Variants in SEC14L5 observed in about 807,000 individuals in gnomAD.
The protein encoded by SEC14L5 is SEC14-like protein 5.
A neutral mutation model predicts 84.6 loss-of-function variants in SEC14L5; 96 were observed. The observed-to-expected ratio is 1.13, with a 90% CI of 0.96 to 1.34. The LOEUF (loss-of-function observed/expected upper bound fraction) is 1.34, where lower values mean the gene tolerates loss of function less well. Ranked by LOEUF, SEC14L5 falls within the 40% of genes most tolerant of loss-of-function variation. The pLI, the probability that SEC14L5 is intolerant of heterozygous loss-of-function variation, is 0.00. For synonymous variants in SEC14L5, 546 were observed against 383.4 expected (o/e 1.42, Z -4.95); for missense variants, 1,224 against 942.5 (o/e 1.30, Z -3.91).
chr16:5,015,448 A>C lies in SEC14L5; in HGVS notation c.*478A>C, dbSNP rs1022234801. The C allele has an allele frequency of 6.2e-6, 1 of 160,536 alleles. No individual in the cohort carries two copies. Among genetic ancestry groups the C allele is most frequent in the African/African-American group, 2.4e-5 (1 of 41,698 alleles). The allele number at this position is 160,536 out of a possible 1,614,324, so 9.9% of individuals were successfully genotyped here. On this transcript the variant is annotated 3_prime_UTR_variant, in exon 16 of 16. Transcript: ENST00000251170. ...TAGCCTGGAAGGGGGAGCGATTGCC[A>C]GGTCAATTCCTGAACCAATCACAGT...
At chr16:4,999,596 G>A (rs548773181) in intron 8 of SEC14L5, among the ~76,000 whole-genome samples, 1 of 151,980 alleles carries the variant, frequency 6.6e-6, no homozygotes. Flanking sequence ...CTCCAGCCTG[G>A]GTGACAGAGT....
intron 11 of SEC14L5, among the ~76,000 whole-genome samples, chr16:5,005,617 T>A (rs956485473): frequency 6.6e-6 from 1 of 151,854 alleles, no homozygotes; most frequent in African/African-American, 2.4e-5. Flanking sequence ...ATCCCAGCAC[T>A]TTGGGAGGCC....
intron 15 of SEC14L5, among the ~76,000 whole-genome samples, chr16:5,013,531 C>T (rs1032914290): frequency 4.9e-5 from 7 of 141,756 alleles, no homozygotes; most frequent in African/African-American, 1.6e-4. Context: ...GGACTATAGG[C>T]ATGGGCTAGC....
At chr16:4,994,932 G>A (rs1481121144) in intron 6 of SEC14L5, among the ~76,000 whole-genome samples, 5 of 152,144 alleles carry the variant, frequency 3.3e-5, no homozygotes. Flanking sequence ...GGGGCCGGAA[G>A]GATGCTGGGA....
intron 2 of SEC14L5, among the ~76,000 whole-genome samples, chr16:4,970,157 C>T (rs1955257896): frequency 1.3e-5 from 2 of 152,022 alleles, no homozygotes. Flanking sequence ...GAGCCCTCAG[C>T]ATAGTCTATT....
rs1567132516 is a variant in SEC14L5 at position 5,014,961 on chromosome 16, C to T, written c.2082C>T (p.Val694=). Residue 694 remains valine, a synonymous_variant, in exon 16 of 16, where the codon GTC becomes GTT. Coordinates refer to ENST00000251170, the MANE Select transcript of SEC14L5 (RefSeq NM_014692.2). ...GCCAGTCTCATAGCAGCTCCCTGGT[C>T]TCCAGATAGCCGGGCCCAGTGTTTC... ...SSGQSHSSSL[V]SR 6.2e-7 allele frequency: 1 copy of T among 1,609,828 alleles called. No homozygotes were observed. Among genetic ancestry groups the T allele is most frequent in the Admixed American group, 1.7e-5 (1 of 60,002 alleles).
Position 4,988,198 on chromosome 16 carries a change from G to C in SEC14L5, c.263G>C (p.Trp88Ser). 6.2e-7 allele frequency: 1 copy of C among 1,613,678 alleles called. No homozygotes were observed. Among genetic ancestry groups the C allele is most frequent in the African/African-American group, 1.3e-5 (1 of 75,006 alleles). Residue 88 changes from tryptophan to serine, a missense_variant, in exon 4 of 16, where the codon TGG becomes TCG. Trp to Ser is a radical substitution (Grantham distance 177). Transcript: ENST00000251170. ...TTCGTGCAGACAAACATCTTGAACT[G>C]GAAGGAGAGGACGCTCCTCATCGAA... is the stretch of plus-strand genomic sequence containing the variant. ...VVFVQTNILN[W>S]KERTLLIEAH...
At chr16:4,998,095 C>T (rs1364535397) in intron 8 of SEC14L5, among the ~76,000 whole-genome samples, 4 of 151,426 alleles carry the variant, frequency 2.6e-5, no homozygotes, top group Non-Finnish European at 5.9e-5. Flanking sequence ...CTCCGCCCCC[C>T]GCCAGGTTCA....
At chr16:5,005,861 C>G (rs1284325181) in intron 11 of SEC14L5, 53 bp from the exon 12 acceptor site, 2 of 793,600 alleles carry the variant, frequency 2.5e-6, no homozygotes, top group African/African-American at 1.0e-4. Context: ...AAGACTCCGT[C>G]TCAAAAAAAA....
At chr16:5,008,171 C>T (rs2082147100) in intron 13 of SEC14L5, among the ~76,000 whole-genome samples, 2 of 152,160 alleles carry the variant, frequency 1.3e-5, no homozygotes, top group South Asian at 2.1e-4. Flanking sequence ...CCACCTCGGC[C>T]TCCCAAAGTG....
Position 5,018,932 on chromosome 16 carries a change from A to G in SEC14L5, c.*3962A>G, listed in dbSNP as rs1475208948. The G allele has an allele frequency of 6.6e-6, 1 of 152,150 alleles. No homozygotes were observed. The highest frequency in any genetic ancestry group is 2.4e-5 in the African/African-American group (1 of 41,420). The allele number at this position is 152,150 out of a possible 1,614,324, so 9.4% of individuals were successfully genotyped here. A position where few individuals can be genotyped will look rare whatever the true frequency, so the allele number is the denominator to read the frequency against. ...GATGGGTTTTTTTGTTTGCCTGATCACTTGCTCCAACCAGCAGCATTAAAT... is the reference window on the plus strand; with the variant it reads ...GATGGGTTTTTTTGTTTGCCTGATCGCTTGCTCCAACCAGCAGCATTAAAT... On this transcript the variant is annotated 3_prime_UTR_variant, in exon 16 of 16. Transcript: ENST00000251170.
At position 5,008,486 on chromosome 16, in the gene SEC14L5, C is replaced by G. The variant is rs372093889; in HGVS notation, c.1638C>G (p.Asp546Glu). ...ITWDFDILRG[D>E]VVFSLYHTKQ... ...GGGACTTTGACATCCTGCGAGGGGACGTGGTGTTCAGCCTGTACCACACCA... is the reference window on the plus strand; with the variant it reads ...GGGACTTTGACATCCTGCGAGGGGAGGTGGTGTTCAGCCTGTACCACACCA... Residue 546 changes from aspartate to glutamate, a missense_variant, in exon 14 of 16, where the codon GAC becomes GAG. Transcript: ENST00000251170. The G allele has an allele frequency of 6.2e-7, 1 of 1,613,558 alleles. No homozygotes were observed. The highest frequency in any genetic ancestry group is 1.3e-5 in the African/African-American group (1 of 75,032).
At chr16:5,009,740 G>A (rs115182233) in intron 14 of SEC14L5, among the ~76,000 whole-genome samples, 3,167 of 152,204 alleles carry the variant, frequency 0.021, 112 homozygotes, top group African/African-American at 0.071. Context: ...AACTCAAGCA[G>A]GGGGAAGGAT....
intron 2 of SEC14L5, among the ~76,000 whole-genome samples, chr16:4,983,745 C>T (rs1191976229): frequency 1.3e-5 from 2 of 151,716 alleles, no homozygotes; most frequent in Admixed American, 6.6e-5. Context: ...GGTGTAGTGG[C>T]GTGTGCCTGT....
At chr16:4,979,727 C>T (rs111292497) in intron 2 of SEC14L5, among the ~76,000 whole-genome samples, 17,204 of 38,056 alleles carry the variant, frequency 0.45, 1,168 homozygotes, top group Non-Finnish European at 0.54. Context: ...GCTTTTCTTG[C>T]TCCTGTCATT....
At chr16:4,964,465 A>G (rs753560309) in intron 2 of SEC14L5, among the ~76,000 whole-genome samples, 4 of 152,012 alleles carry the variant, frequency 2.6e-5, no homozygotes, top group Non-Finnish European at 5.9e-5. Flanking sequence ...GCATGCTTGT[A>G]ATCCCAGCTA....
rs111249494 is a variant in SEC14L5 at position 5,000,719 on chromosome 16, G to C, written c.1035G>C (p.Val345=). ...QMDTKGLMKA[V]GEEALLRHVL... ...ACACCAAAGGCTTGATGAAGGCCGTGGGGGAGGAGGCGCTGCTGCGGCATG... is the reference window on the plus strand; with the variant it reads ...ACACCAAAGGCTTGATGAAGGCCGTCGGGGAGGAGGCGCTGCTGCGGCATG... Residue 345 remains valine, a synonymous_variant, in exon 9 of 16, where the codon GTG becomes GTC. Transcript: ENST00000251170. 3.9e-5 allele frequency: 61 copies of C among 1,552,432 alleles called. No homozygotes were observed. The highest frequency in any genetic ancestry group is 1.5e-4 in the East Asian group (6 of 40,992).
chr16:4,997,090 T>G, intron 8 of SEC14L5, 46 bp downstream of exon 8: 1 of 1,379,368 alleles, frequency 7.2e-7, no homozygotes, highest in South Asian at 1.4e-5. Context: ...CTTTGGTCAC[T>G]GCCAAATGCA....
rs74005446 is a variant in SEC14L5, at chr16:4,988,294, A to G, written c.345+14A>G. On this transcript the variant is annotated intron_variant, in intron 4 of 15. Transcript: ENST00000251170. ...TGCAGCTACACGGTGAGCCCAGGCC[A>G]CCCTCAGCGCCCACGCCCGGCACCC... is the stretch of plus-strand genomic sequence containing the variant. 9.9e-3 allele frequency: 15,929 copies of G among 1,612,374 alleles called. 1,284 individuals carry two copies. The African/African-American group carries it at 0.18, about 18-fold the overall frequency.
Sources: allele counts gnomAD v4.1 joint callset (sites outside exome capture counted in the v4.1 genomes callset), GRCh38; gene constraint gnomAD v4.1.1; transcripts MANE v1.5; gene names NCBI Gene and HGNC (gene_info 2026-07-23, HGNC 2026-07-21).